DIP2C: variants seen among roughly 807,000 people sequenced by gnomAD.
DIP2C encodes DIP2 acetate--CoA ligase C (putative).
Under a neutral mutation model 192.4 loss-of-function variants are expected in DIP2C, and 33 were observed. The observed-to-expected ratio is 0.17, with a 90% confidence interval of 0.13 to 0.23. The LOEUF (loss-of-function observed/expected upper bound fraction) is 0.23, where lower values mean the gene tolerates loss of function less well. Among genes scored for constraint, DIP2C ranks in the 10% least tolerant of loss-of-function variants. The probability of loss-of-function intolerance (pLI) is 1.00; values close to 1 mark genes in which losing one functional copy is unlikely to be tolerated. For synonymous variants in DIP2C, 979 were observed against 864.1 expected (o/e 1.13, Z -2.33); for missense variants, 1,537 against 2,110.1 (o/e 0.73, Z 5.32).
At chr10:466,549 T>A (rs961493108) in intron 3 of DIP2C, among the ~76,000 whole-genome samples, 2 of 133,862 alleles carry the variant, frequency 1.5e-5, no homozygotes, top group Non-Finnish European at 3.2e-5. Context: ...GGGATCTGAT[T>A]AAACTAAAGA....
At chr10:464,237 A>AT (rs1433338010) in intron 3 of DIP2C, among the ~76,000 whole-genome samples, 1 of 152,180 alleles carries the variant, frequency 6.6e-6, no homozygotes, top group Non-Finnish European at 1.5e-5. Flanking sequence ...AATTTTTGCA[A>AT]TCCATCCATC....
At chr10:289,528 A>T (rs1955367332) in intron 32 of DIP2C, among the ~76,000 whole-genome samples, 1 of 152,162 alleles carries the variant, frequency 6.6e-6, no homozygotes, top group South Asian at 2.1e-4. Flanking sequence ...TCAGCCTCAG[A>T]AACTGCCAAG....
At chr10:342,027 T>C (rs1446476826) in intron 28 of DIP2C, among the ~76,000 whole-genome samples, 1 of 152,226 alleles carries the variant, frequency 6.6e-6, no homozygotes, top group Non-Finnish European at 1.5e-5. Flanking sequence ...ATATTTTCAC[T>C]GGAGTTCTCA....
At chr10:465,541 A>C (rs953511709) in intron 3 of DIP2C, among the ~76,000 whole-genome samples, 3 of 152,126 alleles carry the variant, frequency 2.0e-5, no homozygotes, top group South Asian at 4.1e-4. Flanking sequence ...TGGCCAGGGC[A>C]ATCAGGCAGG....
chr10:489,523 A>T (rs1298215487), intron 1 of DIP2C, among the ~76,000 whole-genome samples: 1 of 152,248 alleles, frequency 6.6e-6, no homozygotes, highest in African/African-American at 2.4e-5. Context: ...CCTGACCTTC[A>T]ATCAATGCCA....
chr10:449,643 A>AG (rs1244621162), intron 3 of DIP2C, among the ~76,000 whole-genome samples: 2 of 41,842 alleles, frequency 4.8e-5, no homozygotes, highest in African/African-American at 1.0e-4. Flanking sequence ...GGGTCGGGGG[A>AG]GGGGGGAGGG....
chr10:444,230 T>C (rs551655421), intron 3 of DIP2C, among the ~76,000 whole-genome samples: 1 of 151,236 alleles, frequency 6.6e-6, no homozygotes, highest in South Asian at 2.1e-4. Flanking sequence ...TTCTCTACCA[T>C]TGCATGGACT....
chr10:436,267 T>C (rs1364218236), intron 4 of DIP2C, among the ~76,000 whole-genome samples: 2 of 152,248 alleles, frequency 1.3e-5, no homozygotes, highest in Non-Finnish European at 2.9e-5. Context: ...TATTGCACAT[T>C]GTGGGTAACG....
intron 1 of DIP2C, among the ~76,000 whole-genome samples, chr10:498,940 C>T (rs1021327110): frequency 6.6e-6 from 1 of 152,208 alleles, no homozygotes; most frequent in Non-Finnish European, 1.5e-5. Context: ...TGCATGCCGG[C>T]ATTTCTCACC....
At chr10:483,203 G>T (rs972538491) in intron 2 of DIP2C, among the ~76,000 whole-genome samples, 4 of 152,180 alleles carry the variant, frequency 2.6e-5, no homozygotes, top group Non-Finnish European at 5.9e-5. Context: ...AGTTTCTGGA[G>T]GAATAGGAAT....
At chr10:337,472 CTGA>C (rs1259337210) in intron 29 of DIP2C, among the ~76,000 whole-genome samples, 2 of 131,646 alleles carry the variant, frequency 1.5e-5, no homozygotes, top group Admixed American at 1.6e-4. Context: ...GAGGCCTAAG[CTGA>C]TGTGTATGTG....
chr10:536,049 G>A (rs1847674759), intron 1 of DIP2C, among the ~76,000 whole-genome samples: 1 of 152,210 alleles, frequency 6.6e-6, no homozygotes, highest in Non-Finnish European at 1.5e-5. Flanking sequence ...AGATTGGGCA[G>A]CTTCAACAAT....
At chr10:540,099 G>A (rs555712829) in intron 1 of DIP2C, among the ~76,000 whole-genome samples, 7 of 152,298 alleles carry the variant, frequency 4.6e-5, no homozygotes, top group Non-Finnish European at 8.8e-5. Flanking sequence ...CTGCAACACA[G>A]AATATTAAAG....
Position 310,888 on chromosome 10 carries a change from C to T in DIP2C, c.3925-796G>A, listed in dbSNP as rs930223988. Among the ~76,000 whole-genome samples, 8 of 152,156 alleles carry T rather than the reference C, an allele frequency of 5.3e-5. No homozygotes were observed. In the East Asian group the frequency reaches 1.5e-3, roughly 29 times the overall value. ...GTACAATACCTTGGTTGGAAAAAGA[C>T]TAAACCTACAATAAATTTGCCAAAA... is the stretch of plus-strand genomic sequence containing the variant. On this transcript the variant is annotated intron_variant, in intron 31 of 36. Transcript: ENST00000280886.
At chr10:319,147 A>C (rs1489166552) in intron 31 of DIP2C, among the ~76,000 whole-genome samples, 3 of 152,100 alleles carry the variant, frequency 2.0e-5, no homozygotes, top group Non-Finnish European at 4.4e-5. Context: ...CCCTGACCTC[A>C]AATAATCCAC....
At chr10:618,846 G>A (rs1363609080) in intron 1 of DIP2C, among the ~76,000 whole-genome samples, 12 of 152,352 alleles carry the variant, frequency 7.9e-5, no homozygotes, top group South Asian at 6.2e-4. Flanking sequence ...CCGCACGATC[G>A]CCAGAAACAC....
intron 17 of DIP2C, chr10:369,939 T>TCC (rs1282234970): frequency 1.0e-5 from 10 of 984,884 alleles, no homozygotes; most frequent in Non-Finnish European, 1.2e-5. Context: ...CTCTCTCCCC[T>TCC]CCCTCCAGGC....
At position 364,412 on chromosome 10, in the gene DIP2C, C is replaced by T. The variant is rs781539243; in HGVS notation, c.2439G>A (p.Ala813=). The T allele has an allele frequency of 8.5e-5, 137 of 1,613,928 alleles. No individual in the cohort carries two copies. Among genetic ancestry groups the T allele is most frequent in the Non-Finnish European group, 1.1e-4 (127 of 1,180,030 alleles). ...CAAACTTCATGGGTTCTACGGCCAG[C>T]GCAGTGGCCACGATGTCGTCGGCGT... is the stretch of plus-strand genomic sequence containing the variant. ...RHNADDIVAT[A]LAVEPMKFVY... The change falls in exon 20 of 37, where the codon GCG becomes GCA. Residue 813 remains alanine (A), a synonymous_variant. Coordinates refer to ENST00000280886, the MANE Select transcript of DIP2C (RefSeq NM_014974.3).
intron 1 of DIP2C, among the ~76,000 whole-genome samples, chr10:662,617 A>G (rs1588713722): frequency 6.6e-6 from 1 of 152,200 alleles, no homozygotes; most frequent in Non-Finnish European, 1.5e-5. Flanking sequence ...AAAAACTAAG[A>G]TGGATGCCTT....
Sources: allele counts gnomAD v4.1 joint callset (sites outside exome capture counted in the v4.1 genomes callset), GRCh38; gene constraint gnomAD v4.1.1; transcripts MANE v1.5; gene names NCBI Gene and HGNC (gene_info 2026-07-23, HGNC 2026-07-21).